LY75: variants seen among roughly 807,000 people sequenced by gnomAD.
LY75 encodes the protein C-type lectin domain family 13 member B.
A neutral mutation model predicts 231.7 loss-of-function variants in LY75; 185 were observed. The ratio of observed to expected loss-of-function variants is 0.80; its 90% CI spans 0.71 to 0.90. The LOEUF (loss-of-function observed/expected upper bound fraction) is 0.90. LY75 is among the 40% of genes least tolerant of loss of function. LY75 has a pLI of 0.00. For synonymous variants in LY75, 668 were observed against 689.0 expected (o/e 0.97, Z 0.48); for missense variants, 1,947 against 2,050.2 (o/e 0.95, Z 0.97).
chr2:159,894,340 T>C (rs570761459), intron 2 of LY75, among the ~76,000 whole-genome samples: 2 of 152,306 alleles, frequency 1.3e-5, no homozygotes, highest in Non-Finnish European at 2.9e-5. Flanking sequence ...TAGCGTTCAG[T>C]GATCAACCAT....
chr2:159,840,310 C>T (rs543568131), intron 25 of LY75, among the ~76,000 whole-genome samples: 54 of 152,276 alleles, frequency 3.5e-4, no homozygotes, highest in African/African-American at 1.3e-3. Flanking sequence ...ATGGCTCATG[C>T]TGGTAATCCC....
intron 11 of LY75, among the ~76,000 whole-genome samples, chr2:159,877,009 CAAAAAAAAAAA>C (rs58831835): frequency 0.037 from 3,323 of 90,550 alleles, 150 homozygotes; most frequent in African/African-American, 0.13. Context: ...AACTCCATCT[CAAAAAAAAAAA>C]AAAAAAAAAA....
chr2:159,881,715 G>C (rs1178817741), intron 7 of LY75, among the ~76,000 whole-genome samples: 7 of 152,036 alleles, frequency 4.6e-5, no homozygotes. Context: ...TCCTTTACCA[G>C]TCTTTAGCTT....
chr2:159,887,581 A>AAAAAAAAAAAG (rs1685633441), intron 4 of LY75, among the ~76,000 whole-genome samples: 4 of 149,642 alleles, frequency 2.7e-5, no homozygotes, highest in African/African-American at 7.4e-5. Context: ...AAAAAAAAAA[A>AAAAAAAAAAAG]AAAGAAAAAA....
At position 159,819,811 on chromosome 2, in the gene LY75, G is replaced by A; in HGVS notation, c.4068C>T (p.Gly1356=). The change falls in exon 29 of 35, where the codon GGC becomes GGT. Residue 1356 remains glycine (G), a synonymous_variant. Transcript: ENST00000263636. The part of the protein sequence containing the change: ...EKFLAGLSTD[G]FWDIQTFKVI... ...CTTTAAAGGTTTGAATATCCCAGAAGCCGTCAGTACTTAAACCAGCCAAAA... is the reference window on the plus strand; with the variant it reads ...CTTTAAAGGTTTGAATATCCCAGAAACCGTCAGTACTTAAACCAGCCAAAA... 6.2e-7 allele frequency: 1 copy of A among 1,614,102 alleles called. No homozygotes were observed. Among genetic ancestry groups the A allele is most frequent in the Non-Finnish European group, 8.5e-7 (1 of 1,179,998 alleles).
rs139706008 is a variant in LY75 at position 159,882,359 on chromosome 2, A to G, written c.1055-44T>C. The G allele has an allele frequency of 9.6e-4, 1,518 of 1,575,612 alleles. 11 individuals are homozygous for G. In the African/African-American group the frequency reaches 0.018, roughly 19 times the overall value. On this transcript the variant is annotated intron_variant, in intron 6 of 34. Transcript: ENST00000263636. ...TTTATATTCCAGTAAAGATACATCT[A>G]TTGTGAATCAATAACATTGCAAATT... is the stretch of plus-strand genomic sequence containing the variant.
intron 13 of LY75, among the ~76,000 whole-genome samples, chr2:159,870,514 T>C (rs988345324): frequency 6.6e-6 from 1 of 152,130 alleles, no homozygotes; most frequent in Non-Finnish European, 1.5e-5. Flanking sequence ...TCTATTCATT[T>C]ATTTTTTACA....
At chr2:159,882,798 G>T (rs1176177695) in intron 6 of LY75, among the ~76,000 whole-genome samples, 1 of 152,114 alleles carries the variant, frequency 6.6e-6, no homozygotes. Context: ...ACAAAGGACA[G>T]GCAGAGATTT....
intron 12 of LY75, among the ~76,000 whole-genome samples, chr2:159,874,843 ATG>A (rs1161143665): frequency 4.3e-5 from 1 of 23,422 alleles, no homozygotes; most frequent in Non-Finnish European, 2.9e-4. Context: ...TTGTAAATAT[ATG>A]TAAATATATA....
chr2:159,807,874 A>C, intron 33 of LY75: 2 of 985,260 alleles, frequency 2.0e-6, no homozygotes, highest in Non-Finnish European at 2.4e-6. Context: ...TCCTTCCACA[A>C]ATTTTCTTTG....
chr2:159,855,366 G>C (rs1161045127), intron 16 of LY75, among the ~76,000 whole-genome samples: 1 of 152,148 alleles, frequency 6.6e-6, no homozygotes, highest in East Asian at 1.9e-4. Context: ...TAATGAAACA[G>C]GTTAACTGTT....
intron 25 of LY75, 27 bp downstream of exon 25, chr2:159,840,702 T>A: frequency 6.2e-7 from 1 of 1,613,802 alleles, no homozygotes; most frequent in Non-Finnish European, 8.5e-7. Context: ...CATCACCCAG[T>A]CCTGGCAGTT....
At chr2:159,896,561 A>G (rs945360739) in intron 2 of LY75, among the ~76,000 whole-genome samples, 1 of 152,210 alleles carries the variant, frequency 6.6e-6, no homozygotes, top group Admixed American at 6.5e-5. Context: ...TTTTGTTTAT[A>G]TACTGCTAGA....
At chr2:159,816,561 T>C (rs1484424288) in intron 30 of LY75, among the ~76,000 whole-genome samples, 7 of 152,208 alleles carry the variant, frequency 4.6e-5, no homozygotes, top group Non-Finnish European at 4.4e-5. Context: ...AAATAGGCTA[T>C]AGAGGTGTTG....
Position 159,881,165 on chromosome 2 carries a change from TC to T in LY75, c.1321del (p.Glu441LysfsTer4). 6.2e-7 allele frequency: 1 copy of T among 1,613,948 alleles called. No individual in the cohort carries two copies. Among genetic ancestry groups the T allele is most frequent in the Non-Finnish European group, 8.5e-7 (1 of 1,179,910 alleles). On this transcript the variant is annotated frameshift_variant, in exon 8 of 35. Transcript: ENST00000263636. LOFTEE classifies it high-confidence loss of function. ...CTCATCCCAATATGTTAGAGTAACT[TC>T]AGTACCATCTGACCACTGAAATAAA... Reference protein sequence around the residue: ...PTLFQWSDGTEVTLTYWDENE... With the variant: ...PTLFQWSDGTXVTLTYWDENE...
chr2:159,828,385 T>G (rs1683545093), intron 28 of LY75, among the ~76,000 whole-genome samples: 1 of 152,004 alleles, frequency 6.6e-6, no homozygotes, highest in African/African-American at 2.4e-5. Flanking sequence ...ATACAAATAT[T>G]CAATAAGCAC....
At chr2:159,811,014 C>G (rs981603095) in intron 31 of LY75, among the ~76,000 whole-genome samples, 1 of 152,004 alleles carries the variant, frequency 6.6e-6, no homozygotes, top group Non-Finnish European at 1.5e-5. Context: ...AAAATTATTT[C>G]TTTCTTTGGA....
At chr2:159,850,799 T>TATATATATATATATATATATATA (rs1491206351) in intron 21 of LY75, among the ~76,000 whole-genome samples, 1 of 105,382 alleles carries the variant, frequency 9.5e-6, no homozygotes, top group Non-Finnish European at 1.9e-5. Context: ...TATATATATA[T>TATATATATATATATATATATATA]TATATCTTAT....
chr2:159,837,988 A>C (rs1401148742), intron 25 of LY75, among the ~76,000 whole-genome samples: 1 of 152,112 alleles, frequency 6.6e-6, no homozygotes, highest in East Asian at 1.9e-4. Flanking sequence ...CAAGCTGGGT[A>C]CTTGAGTGAC....
Sources: allele counts gnomAD v4.1 joint callset (sites outside exome capture counted in the v4.1 genomes callset), GRCh38; gene constraint gnomAD v4.1.1; transcripts MANE v1.5; gene names NCBI Gene and HGNC (gene_info 2026-07-23, HGNC 2026-07-21).